PRKCE: variants seen among roughly 807,000 people sequenced by gnomAD.
PRKCE encodes the protein protein kinase C epsilon type.
PRKCE carries 16 observed loss-of-function variants against 85.4 expected under a neutral mutation model. The ratio of observed to expected loss-of-function variants is 0.19; its 90% CI spans 0.13 to 0.28. The LOEUF is 0.28. Ranked by LOEUF, PRKCE falls within the 10% of genes least tolerant of loss-of-function variation. PRKCE has a pLI of 1.00. For synonymous variants in PRKCE, 388 were observed against 371.5 expected (o/e 1.04, Z -0.51); for missense variants, 573 against 975.2 (o/e 0.59, Z 5.49).
At chr2:45,911,718 G>A (rs560224889) in intron 2 of PRKCE, among the ~76,000 whole-genome samples, 3 of 152,282 alleles carry the variant, frequency 2.0e-5, no homozygotes, top group African/African-American at 4.8e-5. Flanking sequence ...GCCCCACAAC[G>A]GTCACAGGTG....
chr2:45,848,805 T>C lies in PRKCE; in HGVS notation c.412+5742T>C, dbSNP rs116534855. Among the ~76,000 whole-genome samples the C allele has an allele frequency of 2.1e-3, 327 of 152,272 alleles. 3 individuals carry two copies. The highest frequency in any genetic ancestry group is 3.5e-3 in the Non-Finnish European group (235 of 68,016). On this transcript the variant is annotated intron_variant, in intron 2 of 14. Coordinates refer to ENST00000306156, the MANE Select transcript of PRKCE (RefSeq NM_005400.3). The stretch of plus-strand genomic sequence containing the variant: ...AAGCATTAGAGAACAATGCAAAGCA[T>C]TGTGTGTTTGATTAGGTGTTACCAA...
chr2:46,085,057 C>T (rs77983764), intron 10 of PRKCE, among the ~76,000 whole-genome samples: 1,836 of 152,218 alleles, frequency 0.012, 20 homozygotes, highest in Admixed American at 0.02. Flanking sequence ...ATTGTAAGCT[C>T]CCCAGGACAG....
chr2:45,903,915 G>GTT (rs57203202), intron 2 of PRKCE, among the ~76,000 whole-genome samples: 2 of 93,656 alleles, frequency 2.1e-5, no homozygotes, highest in Non-Finnish European at 5.3e-5. Context: ...TTGTTTGTTT[G>GTT]TTTTTTTTGG....
chr2:45,766,476 G>A (rs1684920169), intron 1 of PRKCE, among the ~76,000 whole-genome samples: 1 of 152,164 alleles, frequency 6.6e-6, no homozygotes, highest in Non-Finnish European at 1.5e-5. Context: ...CTTTGGGTTA[G>A]ATCGGAGAGA....
At chr2:46,169,531 C>A (rs762599597) in intron 14 of PRKCE, among the ~76,000 whole-genome samples, 1 of 152,062 alleles carries the variant, frequency 6.6e-6, no homozygotes, top group African/African-American at 2.4e-5. Context: ...CCCAGCTAGG[C>A]GTGGAAGAGG....
chr2:45,957,473 G>A (rs1046347288), intron 2 of PRKCE, among the ~76,000 whole-genome samples: 2 of 147,054 alleles, frequency 1.4e-5, no homozygotes, highest in Non-Finnish European at 2.9e-5. Context: ...ATTTGCCTAT[G>A]TGTTTGTTTT....
At chr2:45,677,776 T>G in intron 1 of PRKCE, 1 of 851,958 alleles carries the variant, frequency 1.2e-6, no homozygotes, top group Non-Finnish European at 1.4e-6. Context: ...ATTTGCTGGG[T>G]GGGCTCTGGC....
chr2:45,992,859 A>G lies in PRKCE; in HGVS notation c.823+8179A>G, dbSNP rs1703918648. 2.0e-5 allele frequency among the ~76,000 whole-genome samples: 3 copies of G among 150,644 alleles called. No homozygotes were observed. In the South Asian group the frequency reaches 6.3e-4, roughly 32 times the overall value. The stretch of plus-strand genomic sequence containing the variant: ...GTGAAAGTCAGAGTGCCTGAACCCC[A>G]GTGTGTCCCCAGACAACACTGCTGC... On this transcript the variant is annotated intron_variant, in intron 6 of 14. Coordinates refer to ENST00000306156, the MANE Select transcript of PRKCE (RefSeq NM_005400.3).
At chr2:45,755,165 C>T (rs1490651952) in intron 1 of PRKCE, among the ~76,000 whole-genome samples, 2 of 152,196 alleles carry the variant, frequency 1.3e-5, no homozygotes, top group Admixed American at 6.5e-5. Flanking sequence ...CCTTGCACCT[C>T]TTTTGTGGCC....
At chr2:45,958,708 G>A (rs1225899554) in intron 2 of PRKCE, among the ~76,000 whole-genome samples, 1 of 143,248 alleles carries the variant, frequency 7.0e-6, no homozygotes, top group African/African-American at 2.6e-5. Flanking sequence ...CTTCTTCTGT[G>A]TGTTAATTCA....
At chr2:46,157,090 C>T (rs1176343958) in intron 13 of PRKCE, among the ~76,000 whole-genome samples, 1 of 152,240 alleles carries the variant, frequency 6.6e-6, no homozygotes, top group African/African-American at 2.4e-5. Flanking sequence ...TCTGCCTCTA[C>T]TTACACTTTG....
intron 2 of PRKCE, among the ~76,000 whole-genome samples, chr2:45,902,119 A>G (rs1023255806): frequency 2.0e-5 from 3 of 152,076 alleles, no homozygotes; most frequent in African/African-American, 7.2e-5. Context: ...TCCCACTCCC[A>G]CTTGGGTTTG....
At chr2:45,998,533 T>C (rs1214158948) in intron 6 of PRKCE, among the ~76,000 whole-genome samples, 1 of 152,248 alleles carries the variant, frequency 6.6e-6, no homozygotes, top group Non-Finnish European at 1.5e-5. Context: ...ACTTTTAATC[T>C]GTATGTGTCT....
chr2:46,136,245 A>G (rs1473052400), intron 11 of PRKCE, among the ~76,000 whole-genome samples: 2 of 152,186 alleles, frequency 1.3e-5, no homozygotes, highest in Non-Finnish European at 2.9e-5. Context: ...ATAAAGGAGC[A>G]TTACAGGGCT....
intron 11 of PRKCE, among the ~76,000 whole-genome samples, chr2:46,105,887 T>C (rs2104148473): frequency 6.6e-6 from 1 of 152,378 alleles, no homozygotes; most frequent in Middle Eastern, 3.4e-3. Flanking sequence ...TTTACATTTT[T>C]CATGACTGCA....
intron 11 of PRKCE, among the ~76,000 whole-genome samples, chr2:46,089,421 C>G (rs1387305157): frequency 6.6e-6 from 1 of 152,196 alleles, no homozygotes; most frequent in East Asian, 1.9e-4. Context: ...ACTGTCTTCA[C>G]TAGCTCACTG....
At chr2:46,090,240 T>TA (rs1165196231) in intron 11 of PRKCE, among the ~76,000 whole-genome samples, 1 of 152,112 alleles carries the variant, frequency 6.6e-6, no homozygotes, top group Non-Finnish European at 1.5e-5. Flanking sequence ...ATTTGTATTT[T>TA]AAAAAAAGTG....
At chr2:46,033,000 T>C (rs1439364074) in intron 10 of PRKCE, among the ~76,000 whole-genome samples, 2 of 152,180 alleles carry the variant, frequency 1.3e-5, no homozygotes, top group African/African-American at 4.8e-5. Flanking sequence ...GTTTCATGTA[T>C]AGAACTGGAG....
At chr2:45,707,514 C>G (rs1679210139) in intron 1 of PRKCE, among the ~76,000 whole-genome samples, 2 of 152,214 alleles carry the variant, frequency 1.3e-5, no homozygotes, top group Admixed American at 1.3e-4. Flanking sequence ...AAGGATTTGT[C>G]ACTTGGCCAA....
Sources: allele counts gnomAD v4.1 joint callset (sites outside exome capture counted in the v4.1 genomes callset), GRCh38; gene constraint gnomAD v4.1.1; transcripts MANE v1.5; gene names NCBI Gene and HGNC (gene_info 2026-07-23, HGNC 2026-07-21).